Variants in OGG1 observed in about 807,000 individuals in gnomAD.
The protein encoded by OGG1 is 8-oxoguanine DNA glycosylase, also known as N-glycosylase/DNA lyase.
OGG1 carries 35 observed loss-of-function variants against 42.3 expected under a neutral mutation model. The ratio of observed to expected loss-of-function variants is 0.83; its 90% CI spans 0.63 to 1.10. OGG1 has a LOEUF of 1.10. Ranked by LOEUF, OGG1 falls within the 50% of genes least tolerant of loss-of-function variation. The probability of loss-of-function intolerance (pLI) is 0.00; values close to 1 mark genes in which losing one functional copy is unlikely to be tolerated. For synonymous variants in OGG1, 189 were observed against 179.0 expected, an observed-to-expected ratio of 1.06 and a Z score of -0.44; for missense variants, 484 against 446.7, an observed-to-expected ratio of 1.08 and a Z score of -0.75.
Position 9,788,098 on chromosome 3 carries a change from A to G in OGG1, c.*367A>G, listed in dbSNP as rs9848811. 957 of 224,566 alleles carry G rather than the reference A, an allele frequency of 4.3e-3. 8 individuals carry two copies. Among genetic ancestry groups the G allele is most frequent in the African/African-American group, 0.02 (883 of 44,322 alleles). 13.9% of individuals were successfully genotyped at this position (224,566 alleles called of 1,614,324 possible). A position where few individuals can be genotyped will look rare whatever the true frequency, so the allele number is the denominator to read the frequency against. On this transcript the variant is annotated 3_prime_UTR_variant, in exon 4 of 4. Transcript: ENST00000426518. Reference sequence around the variant, plus strand: ...TGATCCTGTAGATAACGGGAGGAAGAAAGGCCTGGATGCAGCGCCATGTCA... The same window carrying G: ...TGATCCTGTAGATAACGGGAGGAAGGAAGGCCTGGATGCAGCGCCATGTCA...
At chr3:9,767,821 G>T, downstream of OGG1, 1 of 1,589,556 alleles carries the variant, frequency 6.3e-7, no homozygotes, top group Non-Finnish European at 8.6e-7. Context: ...GCAGAGCCCA[G>T]CCCTCTGTCT....
At chr3:9,770,905 C>T (rs888875137), downstream of OGG1, among the ~76,000 whole-genome samples, 1 of 152,220 alleles carries the variant, frequency 6.6e-6, no homozygotes, top group African/African-American at 2.4e-5. Context: ...CCAAGTGCCA[C>T]TCCCTACTCC....
intron 2 of OGG1, among the ~76,000 whole-genome samples, chr3:9,779,100 GC>G (rs1355047670): frequency 6.6e-6 from 1 of 151,956 alleles, no homozygotes; most frequent in East Asian, 1.9e-4. Flanking sequence ...CAAGCTTCCT[GC>G]CCCAGCTGTG....
chr3:9,776,462 T>C (rs1008250788), intron 2 of OGG1, among the ~76,000 whole-genome samples: 2 of 147,646 alleles, frequency 1.4e-5, no homozygotes, highest in East Asian at 4.0e-4. Flanking sequence ...CGATCTCGGC[T>C]CACTGCAAGC....
chr3:9,760,782 A>T, downstream of OGG1: 1 of 1,613,764 alleles, frequency 6.2e-7, no homozygotes, highest in East Asian at 2.2e-5. Context: ...GGCAGGGAGA[A>T]ACTCATCCTC....
downstream of OGG1, chr3:9,757,579 G>A (rs757567412): frequency 1.7e-5 from 28 of 1,613,986 alleles, no homozygotes; most frequent in Middle Eastern, 1.6e-4. This position sits in a 1 kb window ranked among gnomAD's most constrained non-coding sequence, Gnocchi z 4.5. Flanking sequence ...TTCTGTGCCC[G>A]GCTCCACGCA....
At chr3:9,781,214 G>A (rs542091746) in intron 2 of OGG1, among the ~76,000 whole-genome samples, 14 of 152,144 alleles carry the variant, frequency 9.2e-5, no homozygotes, top group South Asian at 8.3e-4. Context: ...GGGAGATGGA[G>A]GCAGGAAGAT....
chr3:9,768,055 T>C (rs1268555784), downstream of OGG1, among the ~76,000 whole-genome samples: 3 of 152,190 alleles, frequency 2.0e-5, no homozygotes, highest in Admixed American at 2.0e-4. Flanking sequence ...GTTTTCCCCC[T>C]ATCCAAATCC....
chr3:9,771,352 G>C (rs986395972), downstream of OGG1, among the ~76,000 whole-genome samples: 1 of 152,172 alleles, frequency 6.6e-6, no homozygotes, highest in African/African-American at 2.4e-5. Flanking sequence ...TTACAGATGA[G>C]AGAGGAAGAT....
At chr3:9,777,431 G>C (rs1559712790) in intron 2 of OGG1, among the ~76,000 whole-genome samples, 1 of 152,180 alleles carries the variant, frequency 6.6e-6, no homozygotes, top group Non-Finnish European at 1.5e-5. Context: ...CCTGGGGGCA[G>C]CAACTATTCC....
chr3:9,780,132 C>A lies in OGG1; in HGVS notation c.295-1381C>A, dbSNP rs2078425290. On this transcript the variant is annotated intron_variant, in intron 2 of 3. Transcript: ENST00000426518. Reference sequence around the variant, plus strand: ...AACGAAGTCCCCTCCAACCCCATCTCGGGGACCAAGCAGAGACTAGGCCTC... The same window carrying A: ...AACGAAGTCCCCTCCAACCCCATCTAGGGGACCAAGCAGAGACTAGGCCTC... The A allele has an allele frequency of 6.7e-6, 3 of 447,360 alleles. No individual in the cohort carries two copies. The South Asian group carries it at 1.5e-4, about 23-fold the overall frequency. 27.7% of individuals were successfully genotyped at this position (447,360 alleles called of 1,614,324 possible). A position where few individuals can be genotyped will look rare whatever the true frequency, so the allele number is the denominator to read the frequency against.
chr3:9,761,921 A>G, downstream of OGG1: 1 of 1,073,358 alleles, frequency 9.3e-7, no homozygotes, highest in South Asian at 1.7e-5. Context: ...AAGGCCAAAA[A>G]TTCCAGGAAG....
chr3:9,766,105 T>C (rs1430509819), exon 8 of OGG1: 2 of 1,425,534 alleles, frequency 1.4e-6, no homozygotes, highest in African/African-American at 1.4e-5. Flanking sequence ...TAATTGGTCA[T>C]GTGATGCAAG....
intron 3 of OGG1, among the ~76,000 whole-genome samples, chr3:9,781,932 A>G (rs1188995055): frequency 1.4e-5 from 2 of 144,582 alleles, no homozygotes; most frequent in Admixed American, 1.5e-4. Context: ...TCTACCTCCC[A>G]GGATCAAGCA....
chr3:9,771,672 A>G (rs1049203302), downstream of OGG1, among the ~76,000 whole-genome samples: 2 of 152,042 alleles, frequency 1.3e-5, no homozygotes, highest in Non-Finnish European at 2.9e-5. Context: ...CTCAGGGCTG[A>G]GCCCCCACTC....
At chr3:9,789,699 C>T (rs772313492), downstream of OGG1, 4 of 1,610,942 alleles carry the variant, frequency 2.5e-6, no homozygotes, top group Non-Finnish European at 2.5e-6. Context: ...CTTCTATGTT[C>T]TCTAGCCCAG....
chr3:9,754,215 G>C (rs2077435585), intron 3 of OGG1, among the ~76,000 whole-genome samples: 1 of 152,222 alleles, frequency 6.6e-6, no homozygotes, highest in Admixed American at 6.5e-5. Context: ...CCTTTCTTAA[G>C]TAAGTTAACC....
intron 2 of OGG1, chr3:9,779,730 G>T (rs1025150710): frequency 6.6e-6 from 1 of 152,152 alleles, no homozygotes; most frequent in Non-Finnish European, 1.5e-5. Context: ...TCTGTCCCAG[G>T]ACTGCCCATC....
chr3:9,789,581 G>A (rs1339798990), downstream of OGG1: 1 of 1,614,188 alleles, frequency 6.2e-7, no homozygotes, highest in South Asian at 1.1e-5. Flanking sequence ...CGCTGGTGAT[G>A]TCAGCACAGT....
Sources: gnomAD v4.1 joint callset for allele counts (sites outside exome capture counted in the v4.1 genomes callset) on GRCh38, gnomAD v4.1.1 for gene constraint, Gnocchi (gnomAD v3.1) non-coding constraint, MANE v1.5 for transcripts, NCBI Gene and HGNC (gene_info 2026-07-23, HGNC 2026-07-21) for gene names.